The following AKAP13 variants were observed in gnomAD, a reference collection of about 807,000 sequenced individuals.
AKAP13 encodes A-kinase anchor protein 13.
In AKAP13, 80 loss-of-function variants were observed where a neutral mutation model predicts 264.5. The ratio of observed to expected loss-of-function variants is 0.30; its 90% confidence interval spans 0.25 to 0.36. AKAP13 has a LOEUF of 0.36. Among genes scored for constraint, AKAP13 ranks in the 10% least tolerant of loss-of-function variants. The pLI is 1.00. For missense variants in AKAP13, 3,712 were observed against 3,435.2 expected, an observed-to-expected ratio of 1.08 and a Z score of -2.01; for synonymous variants, 1,380 against 1,250.2, an observed-to-expected ratio of 1.10 and a Z score of -2.19.
At chr15:85,721,853 T>C in intron 23 of AKAP13, 138 bp from the exon 24 acceptor site, 1 of 1,385,522 alleles carries the variant, frequency 7.2e-7, no homozygotes, top group South Asian at 1.5e-5. Context: ...TTTCCAAAGC[T>C]GCTGCACCAT....
chr15:85,561,972 G>T (rs574030144), intron 5 of AKAP13, among the ~76,000 whole-genome samples: 1 of 152,320 alleles, frequency 6.6e-6, no homozygotes, highest in South Asian at 2.1e-4. Context: ...GCAGAGGTAG[G>T]TTTGTGTTTT....
chr15:85,717,268 T>C (rs1402196734), intron 20 of AKAP13, 22 bp from the exon 21 acceptor site: 9 of 1,465,048 alleles, frequency 6.1e-6, no homozygotes, highest in East Asian at 4.6e-5. Context: ...TTTGACAGTA[T>C]GTATTTTTCT....
intron 24 of AKAP13, 29 bp from the exon 25 acceptor site, chr15:85,722,201 T>C (rs2087332034): frequency 6.2e-7 from 1 of 1,609,380 alleles, no homozygotes; most frequent in Admixed American, 1.7e-5. Context: ...TTTCATGTGA[T>C]TCCTCACAGT....
chr15:85,581,867 G>C lies in AKAP13; in HGVS notation c.3799G>C (p.Gly1267Arg), dbSNP rs150794633. The change falls in exon 7 of 37, where the codon GGA becomes CGA. Residue 1267 changes from glycine to arginine, a missense_variant. Physicochemically the swap from Gly to Arg is moderately radical, Grantham distance 125. Around this residue, in one of 3 missense-constraint regions of AKAP13, gnomAD observed 2,759 missense variants for 2,411.7 expected, o/e 1.14. Transcript: ENST00000394518. ...DAVIEQVKAA[G>R]ALLTEGEACH... The stretch of plus-strand genomic sequence containing the variant: ...TGTCATCGAACAAGTCAAGGCCGCT[G>C]GAGCACTGCTTACTGAGGGGGAGGC... The C allele has an allele frequency of 3.3e-5, 53 of 1,614,178 alleles. 1 individual carries two copies. In the African/African-American group the frequency reaches 6.3e-4, roughly 19 times the overall value.
chr15:85,727,261 C>T lies in AKAP13; in HGVS notation c.7004+14C>T. The T allele has an allele frequency of 6.2e-7, 1 of 1,613,944 alleles. No individual in the cohort carries two copies. On this transcript the variant is annotated intron_variant, in intron 28 of 36. Transcript: ENST00000394518. The surrounding 1 kb of genome is among the most constrained non-coding windows in gnomAD (Gnocchi z 5.3). ...AATCAACACCCTGTAAGTTAACCAC[C>T]AGGCCCCACCCTTCCCAGCCCTCCT...
intron 36 of AKAP13, chr15:85,744,164 G>T: frequency 3.1e-6 from 1 of 322,476 alleles, no homozygotes; most frequent in Non-Finnish European, 5.7e-6. Context: ...AGCATTTGGT[G>T]ATTTAACCCT....
At chr15:85,610,063 A>G (rs1350537889) in intron 8 of AKAP13, among the ~76,000 whole-genome samples, 1 of 152,222 alleles carries the variant, frequency 6.6e-6, no homozygotes, top group Non-Finnish European at 1.5e-5. Context: ...AGGGCAACTC[A>G]CCTAAAACAG....
intron 14 of AKAP13, among the ~76,000 whole-genome samples, chr15:85,676,372 T>C (rs1302539812): frequency 1.3e-5 from 2 of 152,188 alleles, no homozygotes; most frequent in Non-Finnish European, 2.9e-5. Flanking sequence ...TGCCCAGGTT[T>C]CCATTTTGAT....
chr15:85,620,161 G>A, intron 8 of AKAP13: 1 of 1,536,066 alleles, frequency 6.5e-7, no homozygotes, highest in East Asian at 2.4e-5. Flanking sequence ...TGTGGACGTG[G>A]TATTGCTGAA....
intron 26 of AKAP13, among the ~76,000 whole-genome samples, chr15:85,725,375 CT>C (rs2087554702): frequency 6.7e-6 from 1 of 148,728 alleles, no homozygotes; most frequent in Non-Finnish European, 1.5e-5. Flanking sequence ...TGTGTCTCTG[CT>C]TTTTTGGGGG....
At chr15:85,520,629 A>T (rs750776812) in intron 2 of AKAP13, 5 of 518,674 alleles carry the variant, frequency 9.6e-6, no homozygotes, top group Non-Finnish European at 1.9e-5. Flanking sequence ...GTAGGGGTGG[A>T]TAAAGAAGAG....
At position 85,655,686 on chromosome 15, in the gene AKAP13, C is replaced by G; in HGVS notation, c.4644C>G (p.Cys1548Trp). Residue 1548 changes from cysteine (C) to tryptophan (W), a missense_variant, in exon 11 of 37, where the codon TGC (cysteine) becomes TGG (tryptophan). Cys to Trp is a radical substitution (Grantham distance 215, BLOSUM62 -2). This residue lies in a region of AKAP13 where 2,759 missense variants were observed against 2,411.7 expected (regional missense o/e 1.14). Transcript: ENST00000394518. Reference protein sequence around the residue: ...MDSITEVPANCSVLRSSMRSL... With the variant: ...MDSITEVPANWSVLRSSMRSL... ...GTATCACTGAAGTGCCTGCAAACTG[C>G]TCTGTCCTAAGGAGCTCCATGCGCT... The G allele has an allele frequency of 6.2e-7, 1 of 1,614,218 alleles. No homozygotes were observed. Among genetic ancestry groups the G allele is most frequent in the Non-Finnish European group, 8.5e-7 (1 of 1,180,042 alleles).
At chr15:85,430,707 G>A (rs919567841) in intron 1 of AKAP13, among the ~76,000 whole-genome samples, 3 of 152,100 alleles carry the variant, frequency 2.0e-5, no homozygotes, top group Non-Finnish European at 2.9e-5. Flanking sequence ...TCCTAATTGT[G>A]TATAACAACT....
At chr15:85,461,127 T>TTTATC (rs1371910884) in intron 1 of AKAP13, among the ~76,000 whole-genome samples, 1 of 152,004 alleles carries the variant, frequency 6.6e-6, no homozygotes, top group Non-Finnish European at 1.5e-5. Flanking sequence ...TTTATTTTAT[T>TTTATC]TTATTTGAGA....
At chr15:85,599,395 T>G (rs748143779) in intron 8 of AKAP13, among the ~76,000 whole-genome samples, 2 of 152,228 alleles carry the variant, frequency 1.3e-5, no homozygotes, top group African/African-American at 4.8e-5. Context: ...GAATTTGTCA[T>G]TGGCACATCC....
intron 3 of AKAP13, 116 bp downstream of exon 3, chr15:85,521,691 A>C: frequency 8.5e-7 from 1 of 1,176,874 alleles, no homozygotes; most frequent in Non-Finnish European, 1.1e-6. Flanking sequence ...AAAAAAATTT[A>C]TTAGTTTATA....
chr15:85,639,164 TA>T (rs2082195150), intron 8 of AKAP13, among the ~76,000 whole-genome samples: 1 of 152,230 alleles, frequency 6.6e-6, no homozygotes, highest in Non-Finnish European at 1.5e-5. Context: ...TTTGTATGCC[TA>T]ATTTTTATTG....
In AKAP13 at chr15:85,722,034, A is replaced by C. The variant is rs1257194617; in HGVS notation, c.6296A>C (p.Lys2099Thr). 1 of 1,614,034 alleles carries C rather than the reference A, an allele frequency of 6.2e-7. No individual in the cohort carries two copies. Among genetic ancestry groups the C allele is most frequent in the Non-Finnish European group, 8.5e-7 (1 of 1,179,964 alleles). ...NAERLKKTYGKFCGQHNQSVN... is the reference protein window; with the variant it reads ...NAERLKKTYGTFCGQHNQSVN... ...GAACGTTTAAAGAAGACATATGGCA[A>C]GTTTTGTGGGCAACATAACCAGTCT... The change falls in exon 24 of 37, where the codon AAG becomes ACG. Residue 2099 changes from lysine to threonine, a missense_variant. By Grantham distance (78) the Lys-to-Thr change is moderately conservative. Transcript: ENST00000394518.
At chr15:85,495,418 G>A (rs1412681998) in intron 2 of AKAP13, among the ~76,000 whole-genome samples, 1 of 152,058 alleles carries the variant, frequency 6.6e-6, no homozygotes, top group Non-Finnish European at 1.5e-5. Context: ...TAACTAAAAC[G>A]ACTATAAGAA....
Sources: allele counts gnomAD v4.1 joint callset (sites outside exome capture counted in the v4.1 genomes callset), GRCh38; gene constraint gnomAD v4.1.1; regional missense constraint gnomAD v4.1.1; non-coding constraint Gnocchi (gnomAD v3.1); transcripts MANE v1.5; gene names NCBI Gene and HGNC (gene_info 2026-07-23, HGNC 2026-07-21).